Variants in RBFOX3 observed in about 807,000 individuals in gnomAD.
The protein encoded by RBFOX3 is RNA binding fox-1 homolog 3.
In RBFOX3, 17 loss-of-function variants were observed where a neutral mutation model predicts 48.7. The ratio of observed to expected loss-of-function variants is 0.35; its 90% CI spans 0.24 to 0.52. The LOEUF (loss-of-function observed/expected upper bound fraction) is 0.52, where lower values mean the gene tolerates loss of function less well. Among genes scored for constraint, RBFOX3 ranks in the 20% least tolerant of loss-of-function variants. The probability of loss-of-function intolerance (pLI) is 0.94; values close to 1 mark genes in which losing one functional copy is unlikely to be tolerated. For synonymous variants in RBFOX3, 212 were observed against 209.5 expected, an observed-to-expected ratio of 1.01 and a Z score of -0.10; for missense variants, 382 against 497.5, an observed-to-expected ratio of 0.77 and a Z score of 2.21.
chr17:79,125,733 G>C (rs889188593), intron 4 of RBFOX3, among the ~76,000 whole-genome samples: 1 of 152,228 alleles, frequency 6.6e-6, no homozygotes, highest in African/African-American at 2.4e-5. Context: ...GAAGGGCGCC[G>C]CGTGGCCCTG....
intron 4 of RBFOX3, among the ~76,000 whole-genome samples, chr17:79,157,760 AGCTCGGCACAT>A (rs1163345346): frequency 6.6e-6 from 1 of 152,112 alleles, no homozygotes; most frequent in Non-Finnish European, 1.5e-5. Context: ...TGTTCCACCC[AGCTCGGCACAT>A]GCTGGCCCAG....
At chr17:79,265,880 T>G (rs2066612846) in intron 3 of RBFOX3, among the ~76,000 whole-genome samples, 2 of 152,100 alleles carry the variant, frequency 1.3e-5, no homozygotes, top group Non-Finnish European at 2.9e-5. Flanking sequence ...GGCTCAGAAC[T>G]GGCTTGGGGA....
chr17:79,539,488 T>C (rs1240541197), intron 1 of RBFOX3, among the ~76,000 whole-genome samples: 2 of 152,226 alleles, frequency 1.3e-5, no homozygotes, highest in African/African-American at 4.8e-5. Context: ...AAGATACACA[T>C]AACCTTTGCC....
rs1173737830 is a variant in RBFOX3, at chr17:79,115,321, G to A, written c.222+173C>T. ...CAGGGGCTGGAAATGCCTTCACTGG[G>A]GGTGACTTCTGGCCCAGGAGCCCCG... On this transcript the variant is annotated intron_variant, in intron 5 of 14. Coordinates refer to ENST00000693108, the MANE Select transcript of RBFOX3 (RefSeq NM_001350451.2). Among the ~76,000 whole-genome samples, 5 of 152,158 alleles carry A rather than the reference G, an allele frequency of 3.3e-5. No homozygotes were observed. The East Asian group carries it at 9.6e-4, about 29-fold the overall frequency.
intron 3 of RBFOX3, among the ~76,000 whole-genome samples, chr17:79,279,607 G>A (rs1411806603): frequency 2.0e-5 from 3 of 152,224 alleles, no homozygotes; most frequent in African/African-American, 7.2e-5. Flanking sequence ...ACCCTGTCCT[G>A]TCCAGCTAGC....
At chr17:79,321,084 G>A (rs1402325865) in intron 2 of RBFOX3, among the ~76,000 whole-genome samples, 4 of 152,226 alleles carry the variant, frequency 2.6e-5, no homozygotes, top group African/African-American at 9.6e-5. Context: ...CATGTGCCAC[G>A]AGGCAGCTCA....
chr17:79,279,785 G>T (rs1331296516), intron 3 of RBFOX3, among the ~76,000 whole-genome samples: 1 of 152,194 alleles, frequency 6.6e-6, no homozygotes. Flanking sequence ...CCCAGGCAGG[G>T]GGAGGTCACA....
intron 4 of RBFOX3, among the ~76,000 whole-genome samples, chr17:79,166,446 A>T (rs2048029225): frequency 6.7e-6 from 1 of 150,034 alleles, no homozygotes; most frequent in Non-Finnish European, 1.5e-5. Flanking sequence ...AAAAGACTTA[A>T]GTAGGCTCAG....
At chr17:79,240,122 A>T (rs914894167) in intron 3 of RBFOX3, among the ~76,000 whole-genome samples, 1 of 152,152 alleles carries the variant, frequency 6.6e-6, no homozygotes, top group South Asian at 2.1e-4. Flanking sequence ...CATCCAAATG[A>T]CGGAAGTCTC....
chr17:79,498,849 A>C (rs4790059), intron 1 of RBFOX3, among the ~76,000 whole-genome samples: 46,018 of 133,564 alleles, frequency 0.34, 9,313 homozygotes, highest in Non-Finnish European at 0.45. Context: ...CCTTCCACCC[A>C]CCACATCTAC....
chr17:79,657,408 G>A, the RBFOX3 span, among the ~76,000 whole-genome samples: 1 of 152,212 alleles, frequency 6.6e-6, no homozygotes, highest in African/African-American at 2.4e-5. Flanking sequence ...GCTGTGCACA[G>A]TGGCTCACGC....
intron 2 of RBFOX3, among the ~76,000 whole-genome samples, chr17:79,437,542 G>A (rs2069792517): frequency 6.6e-6 from 1 of 152,218 alleles, no homozygotes; most frequent in Admixed American, 6.5e-5. Flanking sequence ...ACACCCGGTA[G>A]GAGCTGGGCC....
intron 2 of RBFOX3, among the ~76,000 whole-genome samples, chr17:79,452,628 A>C (rs903345169): frequency 2.0e-5 from 3 of 152,184 alleles, no homozygotes; most frequent in Non-Finnish European, 4.4e-5. Context: ...ATGGGGTCAC[A>C]GAGCGGAGAG....
chr17:79,420,266 T>A (rs1402713034), intron 2 of RBFOX3, among the ~76,000 whole-genome samples: 3 of 152,026 alleles, frequency 2.0e-5, no homozygotes, highest in Non-Finnish European at 2.9e-5. Flanking sequence ...AAAGGTCCCT[T>A]TAACGTGGAA....
Position 79,473,766 on chromosome 17 carries a change from C to T in RBFOX3, c.-175+8688G>A, listed in dbSNP as rs901147872. On this transcript the variant is annotated intron_variant, in intron 2 of 14. Coordinates refer to ENST00000693108, the MANE Select transcript of RBFOX3 (RefSeq NM_001350451.2). This position sits in a 1 kb window ranked among gnomAD's most constrained non-coding sequence, Gnocchi z 4.2. ...TGTCCAAGCTCCATCTCCCCTCCCA[C>T]CCCAAAGGAAAAAAGAAAAATTATT... is the stretch of plus-strand genomic sequence containing the variant. 1.6e-4 allele frequency among the ~76,000 whole-genome samples: 25 copies of T among 152,264 alleles called. No homozygotes were observed. Among genetic ancestry groups the T allele is most frequent in the African/African-American group, 5.5e-4 (23 of 41,560 alleles).
Position 79,243,548 on chromosome 17 carries a change from T to C in RBFOX3, c.-73-7743A>G, listed in dbSNP as rs754777581. On this transcript the variant is annotated intron_variant, in intron 3 of 14. Coordinates refer to ENST00000693108, the MANE Select transcript of RBFOX3 (RefSeq NM_001350451.2). This position sits in a 1 kb window ranked among gnomAD's most constrained non-coding sequence, Gnocchi z 7.9. ...ATTGCTTGGGTGATATATTAGAGGT[T>C]CTGTCTGGTGGGATGAGGTCTGCAG... 5.3e-5 allele frequency among the ~76,000 whole-genome samples: 8 copies of C among 152,104 alleles called. No individual in the cohort carries two copies. The highest frequency in any genetic ancestry group is 1.0e-4 in the Non-Finnish European group (7 of 68,008).
intron 3 of RBFOX3, among the ~76,000 whole-genome samples, chr17:79,275,174 C>A (rs1192083461): frequency 6.6e-6 from 1 of 150,432 alleles, no homozygotes; most frequent in Admixed American, 6.6e-5. Flanking sequence ...ATCTCTCTCC[C>A]CCTCCCCTGG....
chr17:79,595,137 G>A (rs929701618), intron 1 of RBFOX3, among the ~76,000 whole-genome samples: 7 of 151,836 alleles, frequency 4.6e-5, no homozygotes, highest in Non-Finnish European at 8.8e-5. Flanking sequence ...CCCCCGCCTG[G>A]AGAGCCATCG....
At chr17:79,584,285 C>T (rs890047073) in intron 1 of RBFOX3, among the ~76,000 whole-genome samples, 4 of 152,162 alleles carry the variant, frequency 2.6e-5, no homozygotes, top group Non-Finnish European at 5.9e-5. Context: ...TTTTACACTG[C>T]TGGTGGGAAT....
Sources: gnomAD v4.1 joint callset for allele counts (sites outside exome capture counted in the v4.1 genomes callset) on GRCh38, gnomAD v4.1.1 for gene constraint, Gnocchi (gnomAD v3.1) non-coding constraint, MANE v1.5 for transcripts, NCBI Gene and HGNC (gene_info 2026-07-23, HGNC 2026-07-21) for gene names.